The following DPYSL5 variants were observed in gnomAD, a reference collection of about 807,000 sequenced individuals.
The protein encoded by DPYSL5 is dihydropyrimidinase-related protein 5.
In DPYSL5, 9 loss-of-function variants were observed where a neutral mutation model predicts 58.4. The ratio of observed to expected loss-of-function variants is 0.15; its 90% CI spans 0.09 to 0.27. DPYSL5 has a LOEUF of 0.27. Ranked by LOEUF, DPYSL5 falls within the 10% of genes least tolerant of loss-of-function variation. DPYSL5 has a pLI of 1.00. For missense variants in DPYSL5, 499 were observed against 770.6 expected, an observed-to-expected ratio of 0.65 and a Z score of 4.17; for synonymous variants, 293 against 301.9, an observed-to-expected ratio of 0.97 and a Z score of 0.31.
rs1208848860 is a variant in DPYSL5 at position 26,877,767 on chromosome 2, A to G, written c.-4-20729A>G. Among the ~76,000 whole-genome samples, 1 of 152,220 alleles carries G rather than the reference A, an allele frequency of 6.6e-6. No individual in the cohort carries two copies. The highest frequency in any genetic ancestry group is 2.4e-5 in the African/African-American group (1 of 41,460). ...TATATGAAATCTCACTCATATAAATACACATATAGATAAACATACCTTGGG... is the reference window on the plus strand; with the variant it reads ...TATATGAAATCTCACTCATATAAATGCACATATAGATAAACATACCTTGGG... On this transcript the variant is annotated intron_variant, in intron 1 of 12. Coordinates refer to ENST00000288699, the MANE Select transcript of DPYSL5 (RefSeq NM_020134.4). The surrounding 1 kb of genome is among the most constrained non-coding windows in gnomAD (Gnocchi z 4.1).
rs974972275 is a variant in DPYSL5, at chr2:26,934,874, C to A, written c.947+140C>A. On this transcript the variant is annotated intron_variant, in intron 8 of 12. Coordinates refer to ENST00000288699, the MANE Select transcript of DPYSL5 (RefSeq NM_020134.4). This position sits in a 1 kb window ranked among gnomAD's most constrained non-coding sequence, Gnocchi z 4.3. ...TGTGCTTTTCTTACCTTCTCTGAGC[C>A]CATCAGATAATTGCCATCCTATTGG... 1 of 1,170,276 alleles carries A rather than the reference C, an allele frequency of 8.5e-7. No individual in the cohort carries two copies. Among genetic ancestry groups the A allele is most frequent in the Non-Finnish European group, 1.2e-6 (1 of 829,586 alleles). The allele number at this position is 1,170,276 out of a possible 1,614,324, so 72.5% of individuals were successfully genotyped here.
intron 11 of DPYSL5, among the ~76,000 whole-genome samples, chr2:26,943,515 G>A (rs1665379737): frequency 2.0e-5 from 3 of 152,112 alleles, no homozygotes; most frequent in South Asian, 2.1e-4. Flanking sequence ...CGTCTGCCTC[G>A]GCCTCCTAAA....
chr2:26,888,209 TTTTCTTTCTTTCTTTCTTTC>T (rs70953832), intron 1 of DPYSL5, among the ~76,000 whole-genome samples: 1,303 of 105,100 alleles, frequency 0.012, 29 homozygotes, highest in African/African-American at 0.044. Flanking sequence ...CTTCCCTTTC[TTTTCTTTCTTTCTTTCTTTC>T]TTTCTTTCTT....
At chr2:26,907,705 G>A (rs140845009) in intron 2 of DPYSL5, among the ~76,000 whole-genome samples, 227 of 152,206 alleles carry the variant, frequency 1.5e-3, no homozygotes, top group African/African-American at 5.1e-3. Flanking sequence ...CCTTCAAGGC[G>A]AACAGCCTCT....
rs1040584959 is a variant in DPYSL5 at position 26,933,389 on chromosome 2, A to T, written c.790+56A>T. 2 of 1,535,280 alleles carry T rather than the reference A, an allele frequency of 1.3e-6. No homozygotes were observed. The highest frequency in any genetic ancestry group is 1.8e-6 in the Non-Finnish European group (2 of 1,111,632). On this transcript the variant is annotated intron_variant, in intron 7 of 12. Coordinates refer to ENST00000288699, the MANE Select transcript of DPYSL5 (RefSeq NM_020134.4). The surrounding 1 kb of genome is among the most constrained non-coding windows in gnomAD (Gnocchi z 4.2). ...GGTCAAGTGGAGGGACTGGAGATGG[A>T]TGGGGCCCATTAGCCGTGCTCACTC...
At position 26,944,671 on chromosome 2, in the gene DPYSL5, G is replaced by A; in HGVS notation, c.1456G>A (p.Gly486Arg). The change falls in exon 12 of 13, where the codon GGA (glycine) becomes AGA (arginine). Residue 486 changes from glycine to arginine, a missense_variant. Around this residue, in one of 3 missense-constraint regions of DPYSL5, gnomAD observed 62 missense variants for 59.2 expected, o/e 1.05. Coordinates refer to ENST00000288699, the MANE Select transcript of DPYSL5 (RefSeq NM_020134.4). The surrounding 1 kb of genome is among the most constrained non-coding windows in gnomAD (Gnocchi z 4.4). ...VQREKTLKVRGVDRTPYLGDV... is the reference protein window; with the variant it reads ...VQREKTLKVRRVDRTPYLGDV... ...CCTTCCCTAGACTTTAAAGGTTAGAGGAGTGGACCGCACTCCCTACCTGGG... is the reference window on the plus strand; with the variant it reads ...CCTTCCCTAGACTTTAAAGGTTAGAAGAGTGGACCGCACTCCCTACCTGGG... The A allele has an allele frequency of 6.2e-7, 1 of 1,613,962 alleles. No individual in the cohort carries two copies. Among genetic ancestry groups the A allele is most frequent in the South Asian group, 1.1e-5 (1 of 91,066 alleles).
intron 2 of DPYSL5, among the ~76,000 whole-genome samples, chr2:26,902,451 A>G (rs945400781): frequency 2.0e-5 from 3 of 152,204 alleles, no homozygotes; most frequent in Non-Finnish European, 2.9e-5. Flanking sequence ...CAAAATAAAA[A>G]TAAATATAGG....
At chr2:26,848,355 G>T (rs2148096681) in intron 1 of DPYSL5, 101 bp downstream of exon 1, 1 of 152,488 alleles carries the variant, frequency 6.6e-6, no homozygotes, top group East Asian at 1.9e-4. Flanking sequence ...AGGGCGGGGA[G>T]CCGGGTGAGC....
intron 1 of DPYSL5, among the ~76,000 whole-genome samples, chr2:26,897,845 T>C (rs1177166862): frequency 6.6e-6 from 1 of 152,198 alleles, no homozygotes; most frequent in Non-Finnish European, 1.5e-5. Context: ...CATACATAGT[T>C]GTCCAAAGCT....
At chr2:26,886,500 C>T (rs1663724256) in intron 1 of DPYSL5, among the ~76,000 whole-genome samples, 1 of 152,166 alleles carries the variant, frequency 6.6e-6, no homozygotes, top group Non-Finnish European at 1.5e-5. Flanking sequence ...TCTGAAGTAA[C>T]TACTAATTAT....
intron 2 of DPYSL5, among the ~76,000 whole-genome samples, chr2:26,911,019 G>T (rs1340922808): frequency 6.9e-6 from 1 of 145,958 alleles, no homozygotes; most frequent in East Asian, 2.0e-4. Flanking sequence ...AGCTTTTACA[G>T]TTCAGTCTAT....
intron 2 of DPYSL5, among the ~76,000 whole-genome samples, chr2:26,907,090 A>G (rs1035074158): frequency 6.7e-6 from 1 of 148,660 alleles, no homozygotes; most frequent in African/African-American, 2.5e-5. Flanking sequence ...TTAAAACTCC[A>G]CATTTACATT....
rs1485730632 is a variant in DPYSL5 at position 26,947,070 on chromosome 2, G to A, written c.*75G>A. ...CAACTCTCCAGCCGAAGCTGCAGGG[G>A]CAGGAGAGGCTGGGCTGGGTGGCAC... On this transcript the variant is annotated 3_prime_UTR_variant, in exon 13 of 13. Transcript: ENST00000288699. This position sits in a 1 kb window ranked among gnomAD's most constrained non-coding sequence, Gnocchi z 4.2. 1.4e-5 allele frequency: 19 copies of A among 1,331,064 alleles called. No homozygotes were observed. The highest frequency in any genetic ancestry group is 2.0e-5 in the Non-Finnish European group (19 of 944,238). The allele number at this position is 1,331,064 out of a possible 1,614,324, so 82.5% of individuals were successfully genotyped here.
At chr2:26,923,597 G>T (rs1558346821) in intron 2 of DPYSL5, among the ~76,000 whole-genome samples, 1 of 152,142 alleles carries the variant, frequency 6.6e-6, no homozygotes. Context: ...ACCAGAAAAA[G>T]AGTCACTTTG....
chr2:26,931,729 C>T (rs764461579), intron 6 of DPYSL5, 45 bp downstream of exon 6: 1 of 1,604,446 alleles, frequency 6.2e-7, no homozygotes, highest in South Asian at 1.1e-5. Context: ...CCAACCTTGG[C>T]CAGGCACGGT....
chr2:26,878,498 G>A (rs1317334587), intron 1 of DPYSL5, among the ~76,000 whole-genome samples: 5 of 152,054 alleles, frequency 3.3e-5, no homozygotes, highest in Non-Finnish European at 7.4e-5. Flanking sequence ...CTATTGTATA[G>A]TCTAAATTAC....
In DPYSL5 at chr2:26,948,646, C is replaced by T. The variant is rs1024164498; in HGVS notation, c.*1651C>T. 6.6e-6 allele frequency: 1 copy of T among 152,588 alleles called. No individual in the cohort carries two copies. The highest frequency in any genetic ancestry group is 6.5e-5 in the Admixed American group (1 of 15,282). The allele number at this position is 152,588 out of a possible 1,614,324, so 9.5% of individuals were successfully genotyped here. On this transcript the variant is annotated 3_prime_UTR_variant, in exon 13 of 13. Coordinates refer to ENST00000288699, the MANE Select transcript of DPYSL5 (RefSeq NM_020134.4). The stretch of plus-strand genomic sequence containing the variant: ...GGCCAAGGCGGGTGGATCATGGAGT[C>T]AGGAGATCGAGACCATCCTGGCTAA...
chr2:26,899,265 T>G (rs1298660523), intron 2 of DPYSL5, among the ~76,000 whole-genome samples: 1 of 152,196 alleles, frequency 6.6e-6, no homozygotes, highest in East Asian at 1.9e-4. Flanking sequence ...GGGCTCTCTT[T>G]TCAGAGTGAG....
chr2:26,874,536 G>A (rs1663361890), intron 1 of DPYSL5, among the ~76,000 whole-genome samples: 1 of 152,104 alleles, frequency 6.6e-6, no homozygotes. Context: ...TATATATGTA[G>A]GTCTATTTCT....
Sources: allele counts gnomAD v4.1 joint callset (sites outside exome capture counted in the v4.1 genomes callset), GRCh38; gene constraint gnomAD v4.1.1; regional missense constraint gnomAD v4.1.1; non-coding constraint Gnocchi (gnomAD v3.1); transcripts MANE v1.5; gene names NCBI Gene and HGNC (gene_info 2026-07-23, HGNC 2026-07-21).